Variants in DPY19L1 observed in about 807,000 individuals in gnomAD.
DPY19L1 encodes the protein protein C-mannosyl-transferase DPY19L1.
Under a neutral mutation model 96.9 loss-of-function variants are expected in DPY19L1, and 35 were observed. That is an observed-to-expected ratio of 0.36 (90% confidence interval 0.28 to 0.48). The LOEUF (loss-of-function observed/expected upper bound fraction) is 0.48. Ranked by LOEUF, DPY19L1 falls within the 20% of genes least tolerant of loss-of-function variation. DPY19L1 has a pLI of 0.99. For synonymous variants in DPY19L1, 205 were observed against 252.6 expected (o/e 0.81, Z 1.79); for missense variants, 521 against 777.9 (o/e 0.67, Z 3.93).
chr7:34,992,846 A>G (rs1785202904), intron 6 of DPY19L1, among the ~76,000 whole-genome samples: 1 of 152,194 alleles, frequency 6.6e-6, no homozygotes, highest in Non-Finnish European at 1.5e-5. Flanking sequence ...CAAAAGAAAT[A>G]ACACCTATAA....
In DPY19L1 at chr7:34,959,517, T is replaced by C. The variant is rs1410215190; in HGVS notation, c.1093-1447A>G. Among the ~76,000 whole-genome samples the C allele has an allele frequency of 3.9e-5, 6 of 152,252 alleles. No homozygotes were observed. In the East Asian group the frequency reaches 9.7e-4, roughly 24 times the overall value. Reference sequence around the variant, plus strand: ...AAGAAAATGTGGCACATATACACCATGGAATACTATGCAGCTATAAAAAAG... The same window carrying C: ...AAGAAAATGTGGCACATATACACCACGGAATACTATGCAGCTATAAAAAAG... On this transcript the variant is annotated intron_variant, in intron 10 of 21. Coordinates refer to ENST00000638088, the MANE Select transcript of DPY19L1 (RefSeq NM_001366673.1).
chr7:35,037,648 A>T (rs1263194121), upstream of DPY19L1: 2 of 227,694 alleles, frequency 8.8e-6, no homozygotes, highest in East Asian at 2.9e-4. Context: ...TCCGGTTGTC[A>T]CGGCGACCGC....
chr7:35,035,344 G>C (rs1786366667), intron 1 of DPY19L1, among the ~76,000 whole-genome samples: 1 of 152,112 alleles, frequency 6.6e-6, no homozygotes, highest in Non-Finnish European at 1.5e-5. Context: ...ATTTAGGTAT[G>C]GGAATTACTA....
intron 1 of DPY19L1, among the ~76,000 whole-genome samples, chr7:35,029,159 T>C (rs1786201457): frequency 6.6e-6 from 1 of 152,224 alleles, no homozygotes; most frequent in Non-Finnish European, 1.5e-5. Flanking sequence ...TCAGCCTCCA[T>C]TCGAAATGGA....
intron 3 of DPY19L1, among the ~76,000 whole-genome samples, chr7:35,015,991 T>C (rs1785838153): frequency 6.6e-6 from 1 of 152,220 alleles, no homozygotes; most frequent in Non-Finnish European, 1.5e-5. Context: ...AAAAGATTAA[T>C]ATCAAATAAG....
intron 6 of DPY19L1, among the ~76,000 whole-genome samples, chr7:34,995,923 G>A (rs868252478): frequency 1.4e-5 from 2 of 141,180 alleles, no homozygotes; most frequent in African/African-American, 5.1e-5. Flanking sequence ...CGGTGGGGGG[G>A]GCGGTGGGGG....
rs140018535 is a variant in DPY19L1 at position 34,933,689 on chromosome 7, C to T, written c.2091-1960G>A. Among the ~76,000 whole-genome samples the T allele has an allele frequency of 7.0e-3, 1,059 of 152,324 alleles. 8 individuals carry two copies. The highest frequency in any genetic ancestry group is 0.012 in the Non-Finnish European group (807 of 68,020). On this transcript the variant is annotated intron_variant, in intron 21 of 21. Transcript: ENST00000638088. ...CTAGACTGGCTGAGTCTTCTGGCCT[C>T]CATCTTTCTCCTGTGCTGGATGTTT...
chr7:35,014,153 G>T, intron 3 of DPY19L1, among the ~76,000 whole-genome samples: 1 of 151,828 alleles, frequency 6.6e-6, no homozygotes, highest in East Asian at 1.9e-4. Flanking sequence ...TTTTTCCTCC[G>T]GATTTACATG....
intron 16 of DPY19L1, among the ~76,000 whole-genome samples, chr7:34,944,266 G>C (rs1649219): frequency 0.68 from 102,384 of 150,478 alleles, 35,923 homozygotes; most frequent in African/African-American, 0.84. Context: ...AGGAGGCTGA[G>C]GCAGACGAAT....
rs769219038 is a variant in DPY19L1 at position 34,939,390 on chromosome 7, G to T, written c.1865-15C>A. ...AAACACTGCATCTGGAAGGCAAGAG[G>T]AATGTCTCAGGAAGACACTCAGTGA... On this transcript the variant is annotated splice_polypyrimidine_tract_variant and intron_variant, in intron 19 of 21. Transcript: ENST00000638088. The T allele has an allele frequency of 6.2e-7, 1 of 1,611,782 alleles. No homozygotes were observed. The highest frequency in any genetic ancestry group is 8.5e-7 in the Non-Finnish European group (1 of 1,178,044).
Position 34,955,423 on chromosome 7 carries a change from A to C in DPY19L1, c.1180-56T>G, listed in dbSNP as rs41381945. ...AGTTAATACTTATAGACATAAATTCAAGTACCAAAAAATTCTTCTAAATAA... is the reference window on the plus strand; with the variant it reads ...AGTTAATACTTATAGACATAAATTCCAGTACCAAAAAATTCTTCTAAATAA... On this transcript the variant is annotated intron_variant, in intron 11 of 21. Coordinates refer to ENST00000638088, the MANE Select transcript of DPY19L1 (RefSeq NM_001366673.1). The C allele has an allele frequency of 5.8e-3, 9,073 of 1,576,350 alleles. 48 individuals carry two copies. The highest frequency in any genetic ancestry group is 6.9e-3 in the Non-Finnish European group (8,080 of 1,162,944).
chr7:35,011,575 T>C, intron 4 of DPY19L1, 125 bp from the exon 5 acceptor site: 2 of 895,232 alleles, frequency 2.2e-6, no homozygotes, highest in Non-Finnish European at 3.3e-6. Context: ...TTGGCTCCCT[T>C]TAAATGTAGT....
intron 7 of DPY19L1, among the ~76,000 whole-genome samples, chr7:34,985,554 A>C (rs1479613994): frequency 6.6e-6 from 1 of 151,368 alleles, no homozygotes; most frequent in Non-Finnish European, 1.5e-5. Context: ...ACAAATGGCC[A>C]ACAGATATAT....
chr7:35,004,233 T>G (rs573557537), intron 6 of DPY19L1, among the ~76,000 whole-genome samples: 1 of 152,332 alleles, frequency 6.6e-6, no homozygotes, highest in Non-Finnish European at 1.5e-5. Flanking sequence ...GCTGCGCTCC[T>G]GACAGCCTCA....
At chr7:34,977,135 T>C (rs190136037) in intron 7 of DPY19L1, among the ~76,000 whole-genome samples, 111 of 152,302 alleles carry the variant, frequency 7.3e-4, no homozygotes, top group African/African-American at 2.4e-3. Context: ...TAATAGACTA[T>C]AGTACAGTGT....
chr7:34,933,548 T>G (rs1384344436), intron 21 of DPY19L1, among the ~76,000 whole-genome samples: 1 of 152,114 alleles, frequency 6.6e-6, no homozygotes, highest in Non-Finnish European at 1.5e-5. Flanking sequence ...CCAAGGGAGA[T>G]TAATGTTTGA....
chr7:34,977,736 G>A (rs765036746), intron 7 of DPY19L1, among the ~76,000 whole-genome samples: 1 of 152,110 alleles, frequency 6.6e-6, no homozygotes, highest in Non-Finnish European at 1.5e-5. Flanking sequence ...AATAAAAAGT[G>A]TGACAGTTTA....
intron 1 of DPY19L1, among the ~76,000 whole-genome samples, chr7:35,020,464 T>C (rs1284652828): frequency 6.6e-6 from 1 of 152,218 alleles, no homozygotes; most frequent in Admixed American, 6.5e-5. Flanking sequence ...AAACTGTTTT[T>C]CGATAGTCCT....
Position 35,036,888 on chromosome 7 carries a change from G to C in DPY19L1, c.298+209C>G, listed in dbSNP as rs896407270. On this transcript the variant is annotated intron_variant, in intron 1 of 21. Coordinates refer to ENST00000638088, the MANE Select transcript of DPY19L1 (RefSeq NM_001366673.1). ...AGAGCGCGGGTGGGAAGCGTGCGAGGAGAGCTGAGCCAGGGAGTTGCGGGG... is the reference window on the plus strand; with the variant it reads ...AGAGCGCGGGTGGGAAGCGTGCGAGCAGAGCTGAGCCAGGGAGTTGCGGGG... Among the ~76,000 whole-genome samples, 3 of 151,950 alleles carry C rather than the reference G, an allele frequency of 2.0e-5. No homozygotes were observed. The East Asian group carries it at 5.9e-4, about 30-fold the overall frequency.
Sources: gnomAD v4.1 joint callset for allele counts (sites outside exome capture counted in the v4.1 genomes callset) on GRCh38, gnomAD v4.1.1 for gene constraint, MANE v1.5 for transcripts, NCBI Gene and HGNC (gene_info 2026-07-23, HGNC 2026-07-21) for gene names.